Variants in EPHA6 observed in about 807,000 individuals in gnomAD.
EPHA6 encodes the protein EPH receptor A6, also known as ephrin type-A receptor 6.
Under a neutral mutation model 112.0 loss-of-function variants are expected in EPHA6, and 50 were observed. The observed-to-expected ratio is 0.45, with a 90% CI of 0.36 to 0.56. The LOEUF (loss-of-function observed/expected upper bound fraction) is 0.56, where lower values mean the gene tolerates loss of function less well. Ranked by LOEUF, EPHA6 falls within the 20% of genes least tolerant of loss-of-function variation. The pLI is 0.00. For synonymous variants in EPHA6, 529 were observed against 490.7 expected, an observed-to-expected ratio of 1.08 and a Z score of -1.03; for missense variants, 1,280 against 1,417.4, an observed-to-expected ratio of 0.90 and a Z score of 1.56.
chr3:97,759,860 T>C lies in EPHA6; in HGVS notation c.*11159T>C, dbSNP rs1047712840. 5.2e-5 allele frequency: 11 copies of C among 209,884 alleles called. No homozygotes were observed. Among genetic ancestry groups the C allele is most frequent in the African/African-American group, 1.8e-4 (8 of 44,154 alleles). The allele number at this position is 209,884 out of a possible 1,614,324, so 13.0% of individuals were successfully genotyped here. Reference sequence around the variant, plus strand: ...TTAAAGGCATCTTTACTAAATATTTTTGAGACATCTTATTGGAAGACCCGA... The same window carrying C: ...TTAAAGGCATCTTTACTAAATATTTCTGAGACATCTTATTGGAAGACCCGA... On this transcript the variant is annotated 3_prime_UTR_variant, in exon 18 of 18. Coordinates refer to ENST00000389672, the MANE Select transcript of EPHA6 (RefSeq NM_001080448.3).
chr3:96,832,609 G>A (rs1373082219), intron 1 of EPHA6, among the ~76,000 whole-genome samples: 1 of 152,026 alleles, frequency 6.6e-6, no homozygotes, highest in Non-Finnish European at 1.5e-5. Flanking sequence ...CTGGTTAAAA[G>A]AGAAAACTTG....
chr3:96,842,806 A>G (rs1430466816), intron 1 of EPHA6, among the ~76,000 whole-genome samples: 2 of 152,070 alleles, frequency 1.3e-5, no homozygotes, highest in Admixed American at 1.3e-4. Context: ...CATTTTGTCC[A>G]GATCAGAATG....
chr3:96,991,524 A>G (rs201512596), intron 3 of EPHA6, among the ~76,000 whole-genome samples: 1 of 152,114 alleles, frequency 6.6e-6, no homozygotes, highest in Non-Finnish European at 1.5e-5. Flanking sequence ...TCACATAACC[A>G]TCTGTAAAAT....
chr3:96,939,783 A>G (rs1029223613), intron 2 of EPHA6, among the ~76,000 whole-genome samples: 12 of 152,174 alleles, frequency 7.9e-5, no homozygotes, highest in African/African-American at 2.7e-4. Flanking sequence ...AATGCGTCCC[A>G]GAGATTCTGG....
At chr3:97,216,262 G>A (rs752064599) in intron 3 of EPHA6, among the ~76,000 whole-genome samples, 59 of 152,074 alleles carry the variant, frequency 3.9e-4, no homozygotes, top group Non-Finnish European at 6.8e-4. Context: ...GGGTGGGGAG[G>A]TTGTGGTCCT....
At chr3:97,718,844 G>T (rs1359310609) in intron 14 of EPHA6, among the ~76,000 whole-genome samples, 1 of 152,058 alleles carries the variant, frequency 6.6e-6, no homozygotes, top group Non-Finnish European at 1.5e-5. Flanking sequence ...TCATATGACA[G>T]CATTAATATA....
At chr3:97,244,367 T>C in intron 5 of EPHA6, 80 bp downstream of exon 5, 1 of 1,224,304 alleles carries the variant, frequency 8.2e-7, no homozygotes, top group Non-Finnish European at 1.2e-6. Flanking sequence ...CATGTATTTA[T>C]TGCAGGTGCT....
In EPHA6 at chr3:97,673,324, T is replaced by C. The variant is rs114944048; in HGVS notation, c.2784+35242T>C. Among the ~76,000 whole-genome samples, 805 of 152,300 alleles carry C rather than the reference T, an allele frequency of 5.3e-3. 2 individuals carry two copies. Among genetic ancestry groups the C allele is most frequent in the African/African-American group, 0.019 (771 of 41,576 alleles). ...AGGAAGAAGCAGAGGCAACTGGTGT[T>C]ACTCGGGAATGGGATGGCATGAACA... is the stretch of plus-strand genomic sequence containing the variant. On this transcript the variant is annotated intron_variant, in intron 14 of 17. Transcript: ENST00000389672.
intron 2 of EPHA6, among the ~76,000 whole-genome samples, chr3:96,873,145 A>G (rs1352348924): frequency 2.0e-5 from 3 of 151,860 alleles, no homozygotes; most frequent in South Asian, 2.1e-4. Context: ...GGTACCTGTA[A>G]TCCTAGCTAC....
At chr3:97,429,951 C>G (rs147675454) in intron 6 of EPHA6, among the ~76,000 whole-genome samples, 1 of 152,172 alleles carries the variant, frequency 6.6e-6, no homozygotes, top group African/African-American at 2.4e-5. Flanking sequence ...CCATGAGAAT[C>G]TCTGCTCTAG....
At chr3:97,613,038 G>A (rs111506154) in intron 13 of EPHA6, among the ~76,000 whole-genome samples, 1,945 of 151,754 alleles carry the variant, frequency 0.013, 46 homozygotes, top group African/African-American at 0.043. Flanking sequence ...TGCACGTAGA[G>A]TTTCTAAAAG....
chr3:97,518,242 T>C (rs988604716), intron 10 of EPHA6, among the ~76,000 whole-genome samples: 2 of 152,166 alleles, frequency 1.3e-5, no homozygotes, highest in East Asian at 1.9e-4. Context: ...CACGCTCTCA[T>C]GAACATTTGT....
intron 10 of EPHA6, among the ~76,000 whole-genome samples, chr3:97,499,292 C>G (rs1394371936): frequency 2.0e-5 from 3 of 152,142 alleles, no homozygotes; most frequent in African/African-American, 7.2e-5. Flanking sequence ...CTCCTTTCCT[C>G]TCAATATAAT....
intron 2 of EPHA6, among the ~76,000 whole-genome samples, chr3:96,932,699 G>C (rs779685097): frequency 7.2e-5 from 11 of 152,166 alleles, no homozygotes; most frequent in Admixed American, 2.0e-4. Flanking sequence ...AAGCCGGAGA[G>C]TTAGCAAACT....
intron 5 of EPHA6, among the ~76,000 whole-genome samples, chr3:97,369,460 G>A (rs1559929246): frequency 6.6e-6 from 1 of 152,126 alleles, no homozygotes; most frequent in Admixed American, 6.6e-5. Context: ...AATATGTAGG[G>A]TTAAATAAAA....
chr3:96,867,058 T>TA (rs1162572601), intron 2 of EPHA6, among the ~76,000 whole-genome samples, 169 bp downstream of exon 2: 1 of 151,866 alleles, frequency 6.6e-6, no homozygotes, highest in East Asian at 1.9e-4. Context: ...GTGGGAATGA[T>TA]ATGTAAAGCT....
intron 2 of EPHA6, among the ~76,000 whole-genome samples, chr3:96,984,310 G>T (rs1171631064): frequency 3.9e-5 from 6 of 152,124 alleles, no homozygotes; most frequent in Admixed American, 2.6e-4. Context: ...GAGTTTGCTG[G>T]AGGTCCACTC....
intron 3 of EPHA6, among the ~76,000 whole-genome samples, chr3:97,118,778 A>C: frequency 6.6e-6 from 1 of 151,982 alleles, no homozygotes; most frequent in Non-Finnish European, 1.5e-5. Flanking sequence ...CTAGCAACAA[A>C]TATAGAGGCT....
intron 16 of EPHA6, among the ~76,000 whole-genome samples, chr3:97,743,394 A>G (rs1442005707): frequency 6.6e-6 from 1 of 152,160 alleles, no homozygotes; most frequent in Non-Finnish European, 1.5e-5. Context: ...ATTCTTTTAA[A>G]AAAATCTGTC....
Sources: gnomAD v4.1 joint callset for allele counts (sites outside exome capture counted in the v4.1 genomes callset) on GRCh38, gnomAD v4.1.1 for gene constraint, MANE v1.5 for transcripts, NCBI Gene and HGNC (gene_info 2026-07-23, HGNC 2026-07-21) for gene names.